Variants in PLOD2 observed in about 807,000 individuals in gnomAD.
PLOD2 encodes procollagen-lysine,2-oxoglutarate 5-dioxygenase 2, also known as lysine hydroxylase 2.
In PLOD2, 65 loss-of-function variants were observed where a neutral mutation model predicts 101.0. The observed-to-expected ratio is 0.64, with a 90% CI of 0.53 to 0.79. The LOEUF (loss-of-function observed/expected upper bound fraction) is 0.79. Ranked by LOEUF, PLOD2 falls within the 30% of genes least tolerant of loss-of-function variation. The pLI, the probability that PLOD2 is intolerant of heterozygous loss-of-function variation, is 0.00. For missense variants in PLOD2, 909 were observed against 914.6 expected (o/e 0.99, Z 0.08); for synonymous variants, 314 against 302.9 (o/e 1.04, Z -0.38).
In PLOD2 at chr3:146,086,682, T is replaced by C. The variant is rs138419917; in HGVS notation, c.1127+105A>G. The C allele has an allele frequency of 9.5e-3, 7,215 of 762,022 alleles. 60 individuals carry two copies. The highest frequency in any genetic ancestry group is 0.022 in the Middle Eastern group (55 of 2,466). 47.2% of individuals were successfully genotyped at this position (762,022 alleles called of 1,614,324 possible). ...CTACTGCATACGCAAACAAATAGTT[T>C]GAGACACCCAAATTTGGCATAACAA... On this transcript the variant is annotated intron_variant, in intron 10 of 19. Coordinates refer to ENST00000282903, the MANE Select transcript of PLOD2 (RefSeq NM_182943.3).
At chr3:146,073,659 G>A in intron 15 of PLOD2, 1 of 162,296 alleles carries the variant, frequency 6.2e-6, no homozygotes, top group Non-Finnish European at 1.3e-5. Context: ...ATGGGGTTAT[G>A]TCCCAATAAA....
intron 1 of PLOD2, among the ~76,000 whole-genome samples, chr3:146,125,737 A>G (rs1217623408): frequency 6.6e-6 from 1 of 152,198 alleles, no homozygotes; most frequent in Non-Finnish European, 1.5e-5. Context: ...ATGAGGCCCT[A>G]GTAAATGTAT....
intron 10 of PLOD2, chr3:146,085,658 T>C (rs2108018457): frequency 4.3e-6 from 1 of 232,648 alleles, no homozygotes; most frequent in South Asian, 1.2e-4. Flanking sequence ...TGTAAGTATA[T>C]GACTTTTCAG....
At chr3:146,143,794 C>G (rs548262675) in intron 1 of PLOD2, among the ~76,000 whole-genome samples, 1 of 152,210 alleles carries the variant, frequency 6.6e-6, no homozygotes, top group East Asian at 1.9e-4. Flanking sequence ...ACACACATAT[C>G]TTGCGTTTCT....
chr3:146,111,055 G>T (rs1436777779), intron 3 of PLOD2, among the ~76,000 whole-genome samples: 1 of 151,908 alleles, frequency 6.6e-6, no homozygotes, highest in African/African-American at 2.4e-5. Context: ...TGTAAAAACT[G>T]ACACTATAAT....
At chr3:146,077,551 T>C (rs1370497795) in intron 14 of PLOD2, 1 of 243,252 alleles carries the variant, frequency 4.1e-6, no homozygotes, top group Non-Finnish European at 7.9e-6. Flanking sequence ...TTCTATTTTA[T>C]ACCTACTTCT....
intron 15 of PLOD2, among the ~76,000 whole-genome samples, chr3:146,075,554 A>C (rs1250306752): frequency 6.6e-6 from 1 of 150,676 alleles, no homozygotes; most frequent in Non-Finnish European, 1.5e-5. Flanking sequence ...TCAAGTTAAG[A>C]CTCCATATGC....
chr3:146,107,219 TA>T (rs1367390588), intron 4 of PLOD2, among the ~76,000 whole-genome samples: 1 of 152,246 alleles, frequency 6.6e-6, no homozygotes, highest in Non-Finnish European at 1.5e-5. Flanking sequence ...TTGTGCCTGC[TA>T]AACCATTTTC....
At chr3:146,107,065 T>C (rs1937547443) in intron 4 of PLOD2, among the ~76,000 whole-genome samples, 1 of 152,234 alleles carries the variant, frequency 6.6e-6, no homozygotes, top group Non-Finnish European at 1.5e-5. Context: ...GAATAAAATC[T>C]CTACTACAGT....
chr3:146,070,127 A>G lies in PLOD2; in HGVS notation c.*590T>C, dbSNP rs1395242164. 6.6e-6 allele frequency: 1 copy of G among 151,968 alleles called. No individual in the cohort carries two copies. Among genetic ancestry groups the G allele is most frequent in the Non-Finnish European group, 1.5e-5 (1 of 67,938 alleles). 9.4% of individuals were successfully genotyped at this position (151,968 alleles called of 1,614,324 possible). The stretch of plus-strand genomic sequence containing the variant: ...TCAAAACAAAAATGTTTTCAACTGT[A>G]TACGCTCCTCGGTTGTGTTTTGTAC... On this transcript the variant is annotated 3_prime_UTR_variant, in exon 20 of 20. Coordinates refer to ENST00000282903, the MANE Select transcript of PLOD2 (RefSeq NM_182943.3).
At chr3:146,100,420 T>C (rs1212784957) in intron 7 of PLOD2, among the ~76,000 whole-genome samples, 1 of 152,130 alleles carries the variant, frequency 6.6e-6, no homozygotes, top group Non-Finnish European at 1.5e-5. Flanking sequence ...CAGGCAAATA[T>C]CATTCCTGTC....
chr3:146,112,849 C>CAAAAAAAAAA (rs201790733), intron 3 of PLOD2, among the ~76,000 whole-genome samples: 1 of 92,140 alleles, frequency 1.1e-5, no homozygotes, highest in Non-Finnish European at 2.1e-5. Flanking sequence ...GACTTGGTCT[C>CAAAAAAAAAA]AAAAAAAAAA....
intron 13 of PLOD2, among the ~76,000 whole-genome samples, chr3:146,078,605 ATG>A (rs1169351496): frequency 6.6e-6 from 1 of 150,946 alleles, no homozygotes; most frequent in Non-Finnish European, 1.5e-5. Flanking sequence ...TAAATACACT[ATG>A]TATCTCAACA....
intron 15 of PLOD2, chr3:146,076,002 T>A (rs947100686): frequency 1.3e-5 from 2 of 151,686 alleles, no homozygotes; most frequent in Admixed American, 1.3e-4. Context: ...AAGTGTATAA[T>A]GCATGATGCT....
At chr3:146,082,030 ATCTTT>A (rs981015974) in intron 11 of PLOD2, among the ~76,000 whole-genome samples, 167 bp from the exon 12 acceptor site, 26 of 152,332 alleles carry the variant, frequency 1.7e-4, no homozygotes, top group African/African-American at 5.8e-4. Flanking sequence ...CTTTCCCAAC[ATCTTT>A]TCTTAAGTAA....
intron 1 of PLOD2, among the ~76,000 whole-genome samples, chr3:146,132,656 T>G (rs1376184761): frequency 2.0e-5 from 3 of 152,144 alleles, no homozygotes; most frequent in Non-Finnish European, 2.9e-5. Context: ...TACCCACATG[T>G]GTGCTTTGGT....
intron 13 of PLOD2, 97 bp downstream of exon 13, chr3:146,079,019 T>C: frequency 7.8e-7 from 1 of 1,286,672 alleles, no homozygotes; most frequent in Non-Finnish European, 1.1e-6. Context: ...ACTTACAAAT[T>C]AGCAAGACAA....
chr3:146,095,844 T>C (rs1204398084), intron 7 of PLOD2, among the ~76,000 whole-genome samples: 1 of 148,108 alleles, frequency 6.8e-6, no homozygotes, highest in Non-Finnish European at 1.5e-5. Context: ...AAAGAAAATG[T>C]GGCATATACC....
chr3:146,144,168 T>C (rs762141547), intron 1 of PLOD2, among the ~76,000 whole-genome samples: 22 of 152,152 alleles, frequency 1.4e-4, no homozygotes, highest in Non-Finnish European at 2.9e-4. Flanking sequence ...TTTTTCTTTT[T>C]AAGATTTATA....
Sources: gnomAD v4.1 joint callset for allele counts (sites outside exome capture counted in the v4.1 genomes callset) on GRCh38, gnomAD v4.1.1 for gene constraint, MANE v1.5 for transcripts, NCBI Gene and HGNC (gene_info 2026-07-23, HGNC 2026-07-21) for gene names.